The following MUC5AC variants were observed in gnomAD, a reference collection of about 807,000 sequenced individuals.
MUC5AC encodes the protein mucin 5AC, oligomeric mucus/gel-forming, also known as mucin-5AC.
In MUC5AC, 158 loss-of-function variants were observed where a neutral mutation model predicts 169.7. That is an observed-to-expected ratio of 0.93 (90% confidence interval 0.82 to 1.06). The LOEUF is 1.06. Among genes scored for constraint, MUC5AC ranks in the 50% least tolerant of loss-of-function variants. The probability of loss-of-function intolerance (pLI) is 0.00; values close to 1 mark genes in which losing one functional copy is unlikely to be tolerated. For missense variants in MUC5AC, 4,359 were observed against 3,089.9 expected, an observed-to-expected ratio of 1.41 and a Z score of -9.74; for synonymous variants, 1,975 against 1,237.0, an observed-to-expected ratio of 1.60 and a Z score of -12.52.
intron 15 of MUC5AC, 144 bp from the exon 16 acceptor site, chr11:1,172,285 G>A (rs1448081813): frequency 2.5e-6 from 1 of 397,554 alleles, no homozygotes; most frequent in South Asian, 1.4e-4. Context: ...ACACCACCCA[G>A]GCTGAGTGTG....
In MUC5AC at chr11:1,199,145, G is replaced by A. The variant is rs750645361; in HGVS notation, c.16355G>A (p.Cys5452Tyr). The change falls in exon 45 of 49, where the codon TGT (cysteine) becomes TAT (tyrosine). Residue 5452 changes from cysteine to tyrosine, a missense_variant. Physicochemically the swap from Cys to Tyr is radical, Grantham distance 194 (BLOSUM62 -2). Coordinates refer to ENST00000621226, the MANE Select transcript of MUC5AC (RefSeq NM_001304359.2). ...TGTGGCACCTGTGTGCAGGTCGCCTGTGTCACCAACACCAGCAAGAGCCCC... is the reference window on the plus strand; with the variant it reads ...TGTGGCACCTGTGTGCAGGTCGCCTATGTCACCAACACCAGCAAGAGCCCC... ...QCCGTCVQVACVTNTSKSPAH... is the reference protein window; with the variant it reads ...QCCGTCVQVAYVTNTSKSPAH... The A allele has an allele frequency of 1.3e-6, 1 of 764,720 alleles. No individual in the cohort carries two copies. Among genetic ancestry groups the A allele is most frequent in the Non-Finnish European group, 2.4e-6 (1 of 417,724 alleles). 47.4% of individuals were successfully genotyped at this position (764,720 alleles called of 1,614,324 possible).
Position 1,182,445 on chromosome 11 carries a change from G to T in MUC5AC, c.4300G>T (p.Ala1434Ser). The change falls in exon 31 of 49, where the codon GCC becomes TCC. Residue 1434 changes from alanine (A) to serine (S), a missense_variant. Transcript: ENST00000621226. ...GTCGGTGGAGTGCCGAGCTGAGGAC[G>T]CCCCCGGAGTGCCGCTCCGAGCCCT... ...PRSVECRAED[A>S]PGVPLRALGQ... 7.5e-6 allele frequency: 3 copies of T among 398,608 alleles called. No homozygotes were observed. Among genetic ancestry groups the T allele is most frequent in the Non-Finnish European group, 1.3e-5 (3 of 226,070 alleles). 24.7% of individuals were successfully genotyped at this position (398,608 alleles called of 1,614,324 possible). A position where few individuals can be genotyped will look rare whatever the true frequency, so the allele number is the denominator to read the frequency against.
intron 36 of MUC5AC, among the ~76,000 whole-genome samples, 166 bp downstream of exon 36, chr11:1,195,445 CGGGGAGGGGTGGGCAGT>C (rs1861245445): frequency 7.6e-5 from 1 of 13,190 alleles, no homozygotes; most frequent in Middle Eastern, 0.026. Flanking sequence ...AAGTGGGTGC[CGGGGAGGGGTGGGCAGT>C]GGGGAGGGGC....
In MUC5AC at chr11:1,168,669, C is replaced by G; in HGVS notation, c.1595C>G (p.Thr532Ser). 1 of 1,610,760 alleles carries G rather than the reference C, an allele frequency of 6.2e-7. No homozygotes were observed. The highest frequency in any genetic ancestry group is 1.3e-5 in the African/African-American group (1 of 75,030). ...AACGTCACCATCTTCAGACCCTCAACCTTCTTCATCATCGCCCAGACCAGC... is the reference window on the plus strand; with the variant it reads ...AACGTCACCATCTTCAGACCCTCAAGCTTCTTCATCATCGCCCAGACCAGC... Reference protein sequence around the residue: ...AANVTIFRPSTFFIIAQTSLG... With the variant: ...AANVTIFRPSSFFIIAQTSLG... Residue 532 changes from threonine (T) to serine (S), a missense_variant, in exon 14 of 49, where the codon ACC (threonine) becomes AGC (serine). By Grantham distance (58) the Thr-to-Ser change is moderately conservative. Transcript: ENST00000621226.
intron 30 of MUC5AC, 150 bp from the exon 31 acceptor site, chr11:1,182,005 C>T (rs1860825418): frequency 2.5e-6 from 1 of 397,708 alleles, no homozygotes; most frequent in African/African-American, 2.1e-5. Context: ...ACCTGTGCCG[C>T]TCATGTGGGT....
At chr11:1,172,588 A>C (rs1053040335) in intron 16 of MUC5AC, 65 bp downstream of exon 16, 4 of 398,360 alleles carry the variant, frequency 1.0e-5, no homozygotes, top group Non-Finnish European at 1.8e-5. Flanking sequence ...TGCCTCCAGG[A>C]GGGCTGGGAG....
chr11:1,196,576 G>A (rs775681219), intron 38 of MUC5AC, 41 bp from the exon 39 acceptor site: 49 of 761,876 alleles, frequency 6.4e-5, no homozygotes, highest in Admixed American at 3.6e-4. Flanking sequence ...CCTTCTCACC[G>A]GAGGGAAAAA....
chr11:1,192,087 G>A lies in MUC5AC; in HGVS notation c.13942G>A (p.Gly4648Ser), dbSNP rs372586044. 149 of 765,104 alleles carry A rather than the reference G, an allele frequency of 1.9e-4. No homozygotes were observed. Among genetic ancestry groups the A allele is most frequent in the East Asian group, 5.3e-4 (22 of 41,254 alleles). 47.4% of individuals were successfully genotyped at this position (765,104 alleles called of 1,614,324 possible). The change falls in exon 31 of 49, where the codon GGC becomes AGC. Residue 4648 changes from glycine (G) to serine (S), a missense_variant. Transcript: ENST00000621226. ...GGACTTCCCATCCCCTGGACCCCAC[G>A]GCGGGGACAAGGAAACCTACAACAA... is the stretch of plus-strand genomic sequence containing the variant. Reference protein sequence around the residue: ...DVDFPSPGPHGGDKETYNNII... With the variant: ...DVDFPSPGPHSGDKETYNNII...
chr11:1,165,837 G>C, intron 11 of MUC5AC, 77 bp downstream of exon 11: 1 of 1,589,550 alleles, frequency 6.3e-7, no homozygotes, highest in Non-Finnish European at 8.5e-7. Flanking sequence ...CCCCAGCTTG[G>C]CTGCATGTCA....
rs1861368573 is a variant in MUC5AC at position 1,199,501 on chromosome 11, G to A, written c.16515+11G>A. The A allele has an allele frequency of 1.4e-6, 1 of 705,860 alleles. No homozygotes were observed. The highest frequency in any genetic ancestry group is 2.0e-5 in the Admixed American group (1 of 50,452). The allele number at this position is 705,860 out of a possible 1,614,324, so 43.7% of individuals were successfully genotyped here. ...CTCAGCTGTTCTCTGGTGAGGTCCA[G>A]GATCCCCGCTCCAGCCAAGGGGGGC... On this transcript the variant is annotated intron_variant, in intron 46 of 48. Transcript: ENST00000621226.
In MUC5AC at chr11:1,200,989, G is replaced by A. The variant is rs1336988702; in HGVS notation, c.*287G>A. The A allele has an allele frequency of 3.1e-6, 1 of 323,496 alleles. No homozygotes were observed. Among genetic ancestry groups the A allele is most frequent in the Non-Finnish European group, 5.7e-6 (1 of 176,508 alleles). The allele number at this position is 323,496 out of a possible 1,614,324, so 20.0% of individuals were successfully genotyped here. ...TGTTCTGGGGACGTGAGCATCACCT[G>A]AGGGTCTCAGGAATGACGCTTGGAC... On this transcript the variant is annotated 3_prime_UTR_variant, in exon 49 of 49. Transcript: ENST00000621226.
rs550095618 is a variant in MUC5AC at position 1,159,352 on chromosome 11, T to TGCTGTGCGGG, written c.74-1235_74-1226dup. 8.4e-4 allele frequency among the ~76,000 whole-genome samples: 126 copies of TGCTGTGCGGG among 150,332 alleles called. 1 individual carries two copies. The highest frequency in any genetic ancestry group is 1.4e-3 in the East Asian group (7 of 5,010). On this transcript the variant is annotated intron_variant, in intron 1 of 48. Coordinates refer to ENST00000621226, the MANE Select transcript of MUC5AC (RefSeq NM_001304359.2). ...CCGGGCGCCCCTCCCACCATGCTGG[T>TGCTGTGCGGG]GCTGTGCGGGGCTGTGCGGGGCTGT...
chr11:1,180,513 C>G lies in MUC5AC; in HGVS notation c.3773C>G (p.Ser1258Cys), dbSNP rs1194020896. ...GTGCCCTCGGACAAGAACTGCCAGTCCTGGTGAGTCCTTTGGGGGGAGGAA... is the reference window on the plus strand; with the variant it reads ...GTGCCCTCGGACAAGAACTGCCAGTGCTGGTGAGTCCTTTGGGGGGAGGAA... Reference protein sequence around the residue: ...AVVPSDKNCQSCLCTERGVEC... With the variant: ...AVVPSDKNCQCCLCTERGVEC... Residue 1258 changes from serine (S) to cysteine (C), a missense_variant, in exon 28 of 49, where the codon TCC becomes TGC. Ser to Cys is a moderately radical substitution (Grantham distance 112). Transcript: ENST00000621226. 5.0e-6 allele frequency: 2 copies of G among 398,762 alleles called. No homozygotes were observed. The highest frequency in any genetic ancestry group is 8.8e-6 in the Non-Finnish European group (2 of 226,138). The allele number at this position is 398,762 out of a possible 1,614,324, so 24.7% of individuals were successfully genotyped here. A position where few individuals can be genotyped will look rare whatever the true frequency, so the allele number is the denominator to read the frequency against.
At chr11:1,172,733 C>G (rs1030514564) in intron 16 of MUC5AC, among the ~76,000 whole-genome samples, 52 of 151,844 alleles carry the variant, frequency 3.4e-4, no homozygotes, top group African/African-American at 1.2e-3. Flanking sequence ...ACATTCACCA[C>G]TCACCCACAC....
chr11:1,190,957 C>G lies in MUC5AC; in HGVS notation c.12812C>G (p.Thr4271Ser), dbSNP rs1474611979. 1.4e-6 allele frequency: 1 copy of G among 740,292 alleles called. No individual in the cohort carries two copies. Among genetic ancestry groups the G allele is most frequent in the African/African-American group, 1.8e-5 (1 of 56,260 alleles). 45.9% of individuals were successfully genotyped at this position (740,292 alleles called of 1,614,324 possible). The part of the protein sequence containing the change: ...PSTSTTSAAT[T>S]STTSAPTTRT... ...ACCAGTACAACCTCTGCTGCTACAA[C>G]CAGCACAACCTCTGCTCCTACAACC... Residue 4271 changes from threonine to serine, a missense_variant, in exon 31 of 49, where the codon ACC becomes AGC. By Grantham distance (58) the Thr-to-Ser change is moderately conservative (BLOSUM62 1). Coordinates refer to ENST00000621226, the MANE Select transcript of MUC5AC (RefSeq NM_001304359.2).
rs1454277634 is a variant in MUC5AC, at chr11:1,200,840, G to A, written c.*138G>A. 6.6e-6 allele frequency: 4 copies of A among 603,898 alleles called. No homozygotes were observed. The highest frequency in any genetic ancestry group is 1.2e-5 in the Non-Finnish European group (4 of 337,620). The allele number at this position is 603,898 out of a possible 1,614,324, so 37.4% of individuals were successfully genotyped here. On this transcript the variant is annotated 3_prime_UTR_variant, in exon 49 of 49. Transcript: ENST00000621226. ...ACACTGTCCACGCCCGCTTTCTTGTGGAGGGTGTGGGCTATGGGTCACCTG... is the reference window on the plus strand; with the variant it reads ...ACACTGTCCACGCCCGCTTTCTTGTAGAGGGTGTGGGCTATGGGTCACCTG...
At chr11:1,170,453 C>CTCACT (rs1860474426) in intron 15 of MUC5AC, among the ~76,000 whole-genome samples, 1 of 131,086 alleles carries the variant, frequency 7.6e-6, no homozygotes. Flanking sequence ...ACTCACTCAC[C>CTCACT]CACTCACCGA....
chr11:1,160,291 G>A (rs1183068567), intron 1 of MUC5AC, among the ~76,000 whole-genome samples: 1 of 151,950 alleles, frequency 6.6e-6, no homozygotes, highest in Non-Finnish European at 1.5e-5. Flanking sequence ...GCAGCGTGGG[G>A]GCCAGGGCCT....
Position 1,194,174 on chromosome 11 carries a change from G to C in MUC5AC, c.14820G>C (p.Leu4940=), listed in dbSNP as rs1349207683. 1 of 765,088 alleles carries C rather than the reference G, an allele frequency of 1.3e-6. No individual in the cohort carries two copies. The highest frequency in any genetic ancestry group is 1.3e-5 in the South Asian group (1 of 74,624). The allele number at this position is 765,088 out of a possible 1,614,324, so 47.4% of individuals were successfully genotyped here. The change falls in exon 34 of 49, where the codon CTG becomes CTC. Residue 4940 remains leucine, a synonymous_variant. Coordinates refer to ENST00000621226, the MANE Select transcript of MUC5AC (RefSeq NM_001304359.2). The stretch of plus-strand genomic sequence containing the variant: ...TCGACGGCACCTACTACACCTTCCT[G>C]GACAACTGCACGTACGTGCTGGTGC... The part of the protein sequence containing the change: ...ITFDGTYYTF[L]DNCTYVLVQQ...
Sources: gnomAD v4.1 joint callset for allele counts (sites outside exome capture counted in the v4.1 genomes callset) on GRCh38, gnomAD v4.1.1 for gene constraint, MANE v1.5 for transcripts, NCBI Gene and HGNC (gene_info 2026-07-23, HGNC 2026-07-21) for gene names.